The following MAF variants were observed in gnomAD, a reference collection of about 807,000 sequenced individuals.
MAF encodes the protein transcription factor Maf.
MAF carries 10 observed loss-of-function variants against 22.0 expected under a neutral mutation model. That is an observed-to-expected ratio of 0.45 (90% CI 0.28 to 0.77). MAF has a LOEUF of 0.77. Among genes scored for constraint, MAF ranks in the 30% least tolerant of loss-of-function variants. The pLI, the probability that MAF is intolerant of heterozygous loss-of-function variation, is 0.12. For missense variants in MAF, 544 were observed against 548.4 expected, an observed-to-expected ratio of 0.99 and a Z score of 0.08; for synonymous variants, 337 against 255.8, an observed-to-expected ratio of 1.32 and a Z score of -3.03.
chr16:79,348,805 T>A, the MAF span, among the ~76,000 whole-genome samples: 1 of 152,206 alleles, frequency 6.6e-6, no homozygotes. Flanking sequence ...ATTCTGAAAT[T>A]AACTCAAAAT....
At chr16:79,598,624 GGTTT>G in intron 1 of MAF, 157 bp downstream of exon 1, 3 of 1,512,442 alleles carry the variant, frequency 2.0e-6, no homozygotes, top group Non-Finnish European at 2.6e-6. Context: ...TGTGCGTGCG[GGTTT>G]GTGTGTGTGT....
the MAF span, among the ~76,000 whole-genome samples, chr16:79,294,382 T>A: frequency 1.3e-5 from 2 of 152,170 alleles, no homozygotes; most frequent in Non-Finnish European, 2.9e-5. Context: ...TTGTTTGTAG[T>A]TCCTCTCCTT....
chr16:79,266,028 C>CTTTTA, the MAF span, among the ~76,000 whole-genome samples: 1 of 143,372 alleles, frequency 7.0e-6, no homozygotes, highest in Non-Finnish European at 1.5e-5. Flanking sequence ...TTCTTTTCTT[C>CTTTTA]TTTTCTTTTC....
the MAF span, among the ~76,000 whole-genome samples, chr16:79,529,271 G>A: frequency 1.3e-5 from 2 of 152,122 alleles, no homozygotes; most frequent in African/African-American, 4.8e-5. Flanking sequence ...TTATACTTTG[G>A]AGTCAGATGG....
the MAF span, among the ~76,000 whole-genome samples, chr16:79,440,596 C>T: frequency 7.9e-5 from 12 of 152,040 alleles, no homozygotes; most frequent in African/African-American, 2.4e-4. Context: ...CCACCATGCC[C>T]GGCTAGTTTT....
At chr16:79,204,253 A>T in the MAF span, 3 of 152,150 alleles carry the variant, frequency 2.0e-5, no homozygotes, top group African/African-American at 7.2e-5. Flanking sequence ...GATATAAGAC[A>T]TCATCAACAA....
chr16:79,396,752 C>T, the MAF span, among the ~76,000 whole-genome samples: 1 of 152,222 alleles, frequency 6.6e-6, no homozygotes, highest in Admixed American at 6.5e-5. Context: ...GCCTCCCATA[C>T]CCAGACACTC....
At chr16:79,280,636 T>TG in the MAF span, among the ~76,000 whole-genome samples, 1 of 152,168 alleles carries the variant, frequency 6.6e-6, no homozygotes, top group Non-Finnish European at 1.5e-5. Context: ...TTCTTCTCTC[T>TG]GGGGTGCTGC....
chr16:79,532,699 A>G, the MAF span, among the ~76,000 whole-genome samples: 1 of 152,126 alleles, frequency 6.6e-6, no homozygotes, highest in East Asian at 1.9e-4. Context: ...TTCGTGTGTG[A>G]GTGTGTGTGC....
chr16:79,477,729 T>A, the MAF span, among the ~76,000 whole-genome samples: 1 of 152,142 alleles, frequency 6.6e-6, no homozygotes, highest in Non-Finnish European at 1.5e-5. Flanking sequence ...CATTTTTTTT[T>A]TAAATTTTTT....
chr16:79,324,919 C>G, the MAF span, among the ~76,000 whole-genome samples: 2 of 152,070 alleles, frequency 1.3e-5, no homozygotes, highest in African/African-American at 2.4e-5. Flanking sequence ...CTGCTCTTGC[C>G]TCTTTGAGCT....
the MAF span, among the ~76,000 whole-genome samples, chr16:79,241,194 G>C: frequency 6.6e-6 from 1 of 152,080 alleles, no homozygotes; most frequent in Non-Finnish European, 1.5e-5. Flanking sequence ...GAATGAGTTT[G>C]ACAAACTGAC....
the MAF span, among the ~76,000 whole-genome samples, chr16:79,569,306 T>C: frequency 3.9e-5 from 6 of 152,180 alleles, no homozygotes; most frequent in Non-Finnish European, 7.4e-5. Context: ...CAACCAAAAA[T>C]GCCTTCAGAC....
At chr16:79,205,583 CTTCA>C in the MAF span, 5 of 152,154 alleles carry the variant, frequency 3.3e-5, no homozygotes, top group Non-Finnish European at 1.5e-5. Context: ...TCCTGATCAT[CTTCA>C]TTGTTTCTTT....
At chr16:79,350,866 AGTGTGTGTGTGT>A in the MAF span, among the ~76,000 whole-genome samples, 341 of 148,512 alleles carry the variant, frequency 2.3e-3, 1 homozygote, top group African/African-American at 7.9e-3. Flanking sequence ...AACAGTGAGA[AGTGTGTGTGTGT>A]GTGTGTGTGT....
At chr16:79,411,937 T>A in the MAF span, among the ~76,000 whole-genome samples, 1 of 151,914 alleles carries the variant, frequency 6.6e-6, no homozygotes, top group Non-Finnish European at 1.5e-5. Flanking sequence ...TGAGATGGTG[T>A]CTGGATGGTA....
chr16:79,296,095 A>G, the MAF span, among the ~76,000 whole-genome samples: 1 of 152,274 alleles, frequency 6.6e-6, no homozygotes, highest in Admixed American at 6.5e-5. Flanking sequence ...TGATTCCAGC[A>G]TCGTCTCACT....
the MAF span, among the ~76,000 whole-genome samples, chr16:79,319,426 G>T: frequency 6.6e-6 from 1 of 152,154 alleles, no homozygotes; most frequent in East Asian, 1.9e-4. Context: ...AAAGCAGAAG[G>T]TTGATAAACC....
At chr16:79,395,843 G>C in the MAF span, among the ~76,000 whole-genome samples, 1 of 152,166 alleles carries the variant, frequency 6.6e-6, no homozygotes, top group African/African-American at 2.4e-5. Flanking sequence ...GAGGTGGTCT[G>C]GGGATGATGA....
Sources: gnomAD v4.1 joint callset for allele counts (sites outside exome capture counted in the v4.1 genomes callset) on GRCh38, gnomAD v4.1.1 for gene constraint, MANE v1.5 for transcripts, NCBI Gene and HGNC (gene_info 2026-07-23, HGNC 2026-07-21) for gene names.